The following ADAM32 variants were observed in gnomAD, a reference collection of about 807,000 sequenced individuals.
ADAM32 encodes ADAM metallopeptidase domain 32.
A neutral mutation model predicts 114.9 loss-of-function variants in ADAM32; 89 were observed. That is an observed-to-expected ratio of 0.77 (90% confidence interval 0.65 to 0.92). The LOEUF (loss-of-function observed/expected upper bound fraction) is 0.92. ADAM32 is among the 40% of genes least tolerant of loss of function. ADAM32 has a pLI of 0.00. For missense variants in ADAM32, 870 were observed against 932.8 expected, an observed-to-expected ratio of 0.93 and a Z score of 0.88; for synonymous variants, 285 against 307.5, an observed-to-expected ratio of 0.93 and a Z score of 0.77.
chr8:39,149,480 C>T (rs1803692465), intron 4 of ADAM32, among the ~76,000 whole-genome samples: 1 of 152,094 alleles, frequency 6.6e-6, no homozygotes, highest in African/African-American at 2.4e-5. Flanking sequence ...CCAGATTCAT[C>T]ATCTTTGTCT....
At chr8:39,140,556 A>G (rs1803088875) in intron 3 of ADAM32, among the ~76,000 whole-genome samples, 1 of 152,150 alleles carries the variant, frequency 6.6e-6, no homozygotes, top group South Asian at 2.1e-4. Context: ...TCAGTTTGCC[A>G]GTATTTTATT....
rs964811865 is a variant in ADAM32, at chr8:39,221,689, G to T, written c.1313G>T (p.Cys438Phe). Reference sequence around the variant, plus strand: ...GCAAAATGTTATAAAGGACTGTGCTGCAAAGACTGTCAAGTAAGATTTAAG... The same window carrying T: ...GCAAAATGTTATAAAGGACTGTGCTTCAAAGACTGTCAAGTAAGATTTAAG... ...DGAKCYKGLC[C>F]KDCQILQSGV... The change falls in exon 13 of 25, where the codon TGC (cysteine) becomes TTC (phenylalanine). Residue 438 changes from cysteine (C) to phenylalanine (F), a missense_variant. Coordinates refer to ENST00000379907, the MANE Select transcript of ADAM32 (RefSeq NM_145004.7). 6.8e-6 allele frequency: 11 copies of T among 1,609,706 alleles called. No homozygotes were observed. Among genetic ancestry groups the T allele is most frequent in the Non-Finnish European group, 8.5e-6 (10 of 1,177,372 alleles).
intron 12 of ADAM32, chr8:39,221,348 C>A: frequency 3.1e-6 from 1 of 326,766 alleles, no homozygotes. Flanking sequence ...CGCTTTTTAT[C>A]CATTCTGACA....
chr8:39,270,579 A>G (rs758974888), intron 19 of ADAM32, among the ~76,000 whole-genome samples: 3 of 152,244 alleles, frequency 2.0e-5, no homozygotes, highest in Non-Finnish European at 2.9e-5. Context: ...AGAATCAGAC[A>G]TTCAAGGTCA....
chr8:39,272,943 T>C (rs1812825595), intron 20 of ADAM32, among the ~76,000 whole-genome samples: 1 of 152,176 alleles, frequency 6.6e-6, no homozygotes, highest in Non-Finnish European at 1.5e-5. Context: ...TAATTTTTTT[T>C]TCTTTTTAAA....
chr8:39,123,584 G>A (rs373338410), intron 2 of ADAM32, among the ~76,000 whole-genome samples: 11 of 151,952 alleles, frequency 7.2e-5, no homozygotes, highest in African/African-American at 2.2e-4. Flanking sequence ...AATATGTATC[G>A]ATTAATTTGG....
intron 22 of ADAM32, among the ~76,000 whole-genome samples, chr8:39,277,176 A>G (rs1408322718): frequency 1.3e-5 from 2 of 152,204 alleles, no homozygotes; most frequent in African/African-American, 4.8e-5. Flanking sequence ...CCCTGTTAAC[A>G]TAATTCATCT....
At chr8:39,247,355 C>A (rs989976845) in intron 17 of ADAM32, among the ~76,000 whole-genome samples, 2 of 152,098 alleles carry the variant, frequency 1.3e-5, no homozygotes, top group Non-Finnish European at 2.9e-5. Flanking sequence ...CACATCCAAG[C>A]CAACATTTTT....
upstream of ADAM32, chr8:39,107,601 T>A (rs1839976359): frequency 4.2e-6 from 6 of 1,441,888 alleles, no homozygotes; most frequent in South Asian, 8.6e-5. Flanking sequence ...GGGCGCACGC[T>A]GCGGGCCCTT....
chr8:39,202,603 A>T (rs1242834420), intron 11 of ADAM32, among the ~76,000 whole-genome samples: 2 of 151,900 alleles, frequency 1.3e-5, no homozygotes, highest in African/African-American at 4.8e-5. Flanking sequence ...GATTTTTTTG[A>T]AGGGTTTTCT....
intron 7 of ADAM32, among the ~76,000 whole-genome samples, 174 bp from the exon 8 acceptor site, chr8:39,164,590 C>T (rs1804711491): frequency 6.6e-6 from 1 of 152,150 alleles, no homozygotes; most frequent in African/African-American, 2.4e-5. Flanking sequence ...ATTTTACATT[C>T]CCATCAGCAA....
intron 11 of ADAM32, among the ~76,000 whole-genome samples, chr8:39,199,152 T>A (rs1807211201): frequency 6.6e-6 from 1 of 152,210 alleles, no homozygotes; most frequent in Non-Finnish European, 1.5e-5. Context: ...TCTCTTTGTT[T>A]TTGAATTTTG....
Position 39,195,989 on chromosome 8 carries a change from A to G in ADAM32, c.1052+8944A>G, listed in dbSNP as rs140061515. On this transcript the variant is annotated intron_variant, in intron 11 of 24. Coordinates refer to ENST00000379907, the MANE Select transcript of ADAM32 (RefSeq NM_145004.7). ...ACTCCACATGGGTGGATGTTTTTCC[A>G]TATGTTTTTGTTCTCTTTAATTTTT... Among the ~76,000 whole-genome samples, 101 of 151,938 alleles carry G rather than the reference A, an allele frequency of 6.6e-4. 1 individual carries two copies. The highest frequency in any genetic ancestry group is 2.4e-3 in the African/African-American group (98 of 41,460).
chr8:39,187,365 G>C (rs1389333435), intron 11 of ADAM32, among the ~76,000 whole-genome samples: 1 of 152,096 alleles, frequency 6.6e-6, no homozygotes, highest in Non-Finnish European at 1.5e-5. Context: ...TCTGCCTCCC[G>C]GGTTCACACC....
At chr8:39,115,701 T>A (rs1464281019) in intron 1 of ADAM32, among the ~76,000 whole-genome samples, 1 of 152,166 alleles carries the variant, frequency 6.6e-6, no homozygotes, top group Non-Finnish European at 1.5e-5. Context: ...GCCTATTTAC[T>A]TGGTTGGTAA....
chr8:39,240,746 A>G (rs1810501526), intron 16 of ADAM32, among the ~76,000 whole-genome samples: 1 of 152,176 alleles, frequency 6.6e-6, no homozygotes, highest in African/African-American at 2.4e-5. Flanking sequence ...TGAGAACAGC[A>G]CAGGAAAGAT....
rs912867062 is a variant in ADAM32 at position 39,210,446 on chromosome 8, C to T, written c.1053-698C>T. ...GTTTTCTTGCATGGATAATTGTTCA[C>T]TTCAGTGTCCCTACAGAGGGATGAT... On this transcript the variant is annotated intron_variant, in intron 11 of 24. Transcript: ENST00000379907. Among the ~76,000 whole-genome samples, 9 of 152,274 alleles carry T rather than the reference C, an allele frequency of 5.9e-5. No individual in the cohort carries two copies. In the East Asian group the frequency reaches 1.7e-3, roughly 29 times the overall value.
intron 2 of ADAM32, chr8:39,132,035 A>C: frequency 3.7e-6 from 1 of 272,870 alleles, no homozygotes; most frequent in Non-Finnish European, 7.7e-6. Flanking sequence ...TTGGGATTAC[A>C]GGCATGCACC....
chr8:39,115,929 A>C (rs1840356870), intron 1 of ADAM32, among the ~76,000 whole-genome samples: 1 of 152,034 alleles, frequency 6.6e-6, no homozygotes, highest in Admixed American at 6.6e-5. Context: ...ATATGGCAAA[A>C]GGTTCAGTTG....
Sources: gnomAD v4.1 joint callset for allele counts (sites outside exome capture counted in the v4.1 genomes callset) on GRCh38, gnomAD v4.1.1 for gene constraint, MANE v1.5 for transcripts, NCBI Gene and HGNC (gene_info 2026-07-23, HGNC 2026-07-21) for gene names.